The following LMF1 variants were observed in gnomAD, a reference collection of about 807,000 sequenced individuals.
LMF1 encodes the protein lipase maturation factor 1.
LMF1 carries 68 observed loss-of-function variants against 60.6 expected under a neutral mutation model. That is an observed-to-expected ratio of 1.12 (90% CI 0.92 to 1.37). The LOEUF is 1.37. LMF1 is among the 40% of genes most tolerant of loss of function. The pLI, the probability that LMF1 is intolerant of heterozygous loss-of-function variation, is 0.00. For synonymous variants in LMF1, 418 were observed against 324.7 expected (o/e 1.29, Z -3.09); for missense variants, 948 against 767.2 (o/e 1.24, Z -2.78).
At chr16:978,450 C>A (rs1212770849) in intron 1 of LMF1, among the ~76,000 whole-genome samples, 2 of 152,162 alleles carry the variant, frequency 1.3e-5, no homozygotes, top group Non-Finnish European at 2.9e-5. Flanking sequence ...TCCCCCAGGC[C>A]ATCCCTGCAC....
chr16:865,831 GTTTTTCCCCGTC>G (rs2069595482), intron 10 of LMF1, among the ~76,000 whole-genome samples: 1 of 152,238 alleles, frequency 6.6e-6, no homozygotes, highest in East Asian at 1.9e-4. Flanking sequence ...GGCTCTTGCT[GTTTTTCCCCGTC>G]TATGTCCTCT....
intron 10 of LMF1, among the ~76,000 whole-genome samples, chr16:867,711 G>A (rs1313460507): frequency 6.6e-6 from 1 of 152,178 alleles, no homozygotes; most frequent in African/African-American, 2.4e-5. Flanking sequence ...GGGGCTCTGG[G>A]ATGGAGCCTC....
At chr16:911,200 G>A in intron 3 of LMF1, 121 bp from the exon 4 acceptor site, 1 of 1,140,372 alleles carries the variant, frequency 8.8e-7, no homozygotes, top group African/African-American at 1.5e-5. Context: ...TTGCTACTGA[G>A]AGACACCAGC....
chr16:891,395 T>C (rs2070483749), intron 5 of LMF1, among the ~76,000 whole-genome samples: 1 of 151,990 alleles, frequency 6.6e-6, no homozygotes, highest in South Asian at 2.1e-4. Context: ...GGCATCAGAG[T>C]GTTTGTTTGT....
At chr16:869,528 G>C (rs767296311) in intron 9 of LMF1, 3 of 567,658 alleles carry the variant, frequency 5.3e-6, no homozygotes, top group Non-Finnish European at 1.0e-5. Flanking sequence ...GGGCTCAATC[G>C]ATCCTTCCTC....
rs201012186 is a variant in LMF1, at chr16:854,628, C to A, written c.1608G>T (p.Val536=). ...GGAAGTAGGCTCCGATCCTCTTCCG[C>A]ACCCACCACTTGCCCTCGGCGGCGT... ...GRHAAEGKWW[V]RKRIGAYFPP... Residue 536 remains valine (V), a synonymous_variant, in exon 11 of 11, where the codon GTG becomes GTT. Transcript: ENST00000262301. 2.3e-3 allele frequency: 3,775 copies of A among 1,607,406 alleles called. 6 individuals carry two copies. The highest frequency in any genetic ancestry group is 2.9e-3 in the Non-Finnish European group (3,404 of 1,178,444).
chr16:855,125 TCCA>T, intron 10 of LMF1: 1 of 289,628 alleles, frequency 3.5e-6, no homozygotes, highest in South Asian at 3.6e-5. Context: ...GTGTGGCGTC[TCCA>T]CCATCAGGCC....
chr16:905,117 G>A (rs572781570), intron 4 of LMF1: 87 of 161,752 alleles, frequency 5.4e-4, no homozygotes, highest in Non-Finnish European at 9.8e-4. Context: ...TCTCTGCTGC[G>A]TGGTGGTGAC....
chr16:959,825 C>A (rs897895481), intron 1 of LMF1, among the ~76,000 whole-genome samples: 8 of 150,578 alleles, frequency 5.3e-5, no homozygotes, highest in Non-Finnish European at 1.0e-4. Context: ...GATGGGCCAG[C>A]AGGGAAGACT....
In LMF1 at chr16:965,326, C is replaced by T. The variant is rs767601147; in HGVS notation, c.193+5462G>A. Among the ~76,000 whole-genome samples, 7 of 152,148 alleles carry T rather than the reference C, an allele frequency of 4.6e-5. No homozygotes were observed. The South Asian group carries it at 6.2e-4, about 14-fold the overall frequency. Reference sequence around the variant, plus strand: ...CTGTTTGGAACCCAGCTGGGGCATGCGGTGTTTGGAACACATGGGCAGATT... The same window carrying T: ...CTGTTTGGAACCCAGCTGGGGCATGTGGTGTTTGGAACACATGGGCAGATT... On this transcript the variant is annotated intron_variant, in intron 1 of 10. Transcript: ENST00000262301.
At chr16:898,657 G>T (rs1321446240) in intron 4 of LMF1, among the ~76,000 whole-genome samples, 1 of 152,188 alleles carries the variant, frequency 6.6e-6, no homozygotes, top group East Asian at 1.9e-4. Flanking sequence ...AGCTTAGTCG[G>T]GCGAGGGGAA....
chr16:887,983 G>A (rs940929791), intron 5 of LMF1, among the ~76,000 whole-genome samples: 1 of 152,132 alleles, frequency 6.6e-6, no homozygotes, highest in Non-Finnish European at 1.5e-5. Flanking sequence ...GCAGCTCCCT[G>A]AGGGTCTGTG....
intron 2 of LMF1, among the ~76,000 whole-genome samples, chr16:948,769 T>A (rs1597053874): frequency 1.8e-5 from 2 of 114,222 alleles, no homozygotes; most frequent in South Asian, 2.8e-4. Flanking sequence ...AACGACAGAG[T>A]CAGCCAACGA....
intron 5 of LMF1, among the ~76,000 whole-genome samples, chr16:886,396 G>A (rs574258173): frequency 2.6e-5 from 4 of 152,204 alleles, no homozygotes; most frequent in Admixed American, 2.0e-4. Context: ...ACGGAAGGTC[G>A]GTGTCTCCTC....
chr16:926,332 C>A (rs2071601462), intron 3 of LMF1, among the ~76,000 whole-genome samples: 1 of 151,522 alleles, frequency 6.6e-6, no homozygotes, highest in South Asian at 2.1e-4. Context: ...TGCATAAGAT[C>A]TGCAGGTCTG....
chr16:856,272 A>G (rs995609081), intron 10 of LMF1, among the ~76,000 whole-genome samples: 4 of 152,136 alleles, frequency 2.6e-5, no homozygotes, highest in Non-Finnish European at 5.9e-5. Flanking sequence ...GGCAGCGGCC[A>G]GCATGGGGAC....
rs747441260 is a variant in LMF1, at chr16:869,873, C to A, written c.1416+10G>T. 6.2e-7 allele frequency: 1 copy of A among 1,608,646 alleles called. No homozygotes were observed. Among genetic ancestry groups the A allele is most frequent in the Non-Finnish European group, 8.5e-7 (1 of 1,178,486 alleles). On this transcript the variant is annotated intron_variant, in intron 9 of 10. Transcript: ENST00000262301. ...GCAGGTCCATGCGCCCGCCAGGGAC[C>A]GTCCCCCACCTGGAAGGCCGCGAAC...
At chr16:896,658 C>T (rs768813743) in intron 4 of LMF1, among the ~76,000 whole-genome samples, 6 of 152,114 alleles carry the variant, frequency 3.9e-5, no homozygotes, top group African/African-American at 1.2e-4. Context: ...ATGAAATGCA[C>T]GGCTCCACCG....
chr16:947,453 C>A (rs1167038087), intron 2 of LMF1: 2 of 455,906 alleles, frequency 4.4e-6, no homozygotes, highest in Non-Finnish European at 4.4e-6. Flanking sequence ...AAATGAAGCA[C>A]CGAGGGCGGT....
Sources: gnomAD v4.1 joint callset for allele counts (sites outside exome capture counted in the v4.1 genomes callset) on GRCh38, gnomAD v4.1.1 for gene constraint, MANE v1.5 for transcripts, NCBI Gene and HGNC (gene_info 2026-07-23, HGNC 2026-07-21) for gene names.